Variants in ZMYM1 observed in about 807,000 individuals in gnomAD.
ZMYM1 encodes the protein zinc finger MYM-type containing 1, also known as zinc finger MYM-type protein 1.
Under a neutral mutation model 60.0 loss-of-function variants are expected in ZMYM1, and 39 were observed. The observed-to-expected ratio is 0.65, with a 90% CI of 0.50 to 0.85. ZMYM1 has a LOEUF of 0.85. Ranked by LOEUF, ZMYM1 falls within the 40% of genes least tolerant of loss-of-function variation. The pLI is 0.00. For missense variants in ZMYM1, 1,171 were observed against 1,309.5 expected (o/e 0.89, Z 1.63); for synonymous variants, 413 against 454.0 (o/e 0.91, Z 1.15).
At position 35,115,053 on chromosome 1, in the gene ZMYM1, T is replaced by C; in HGVS notation, c.3223T>C (p.Ser1075Pro). Residue 1075 changes from serine (S) to proline (P), a missense_variant, in exon 10 of 10, where the codon TCT becomes CCT. Transcript: ENST00000359858. ...CLSKLLYIAL[S>P]WPITSASTEN... ...CTCAAAGCTATTATATATTGCTTTG[T>C]CTTGGCCAATTACTTCAGCAAGTAC... is the stretch of plus-strand genomic sequence containing the variant. The C allele has an allele frequency of 6.2e-7, 1 of 1,614,094 alleles. No individual in the cohort carries two copies. Among genetic ancestry groups the C allele is most frequent in the Non-Finnish European group, 8.5e-7 (1 of 1,179,960 alleles).
chr1:35,094,442 C>A (rs1305456170), intron 2 of ZMYM1, among the ~76,000 whole-genome samples: 1 of 151,872 alleles, frequency 6.6e-6, no homozygotes, highest in Non-Finnish European at 1.5e-5. Context: ...ATTTTTTAAT[C>A]TAAATTAATT....
At chr1:35,116,717 C>A (rs1644252082), downstream of ZMYM1, among the ~76,000 whole-genome samples, 1 of 151,800 alleles carries the variant, frequency 6.6e-6, no homozygotes. Context: ...CTGGGCCTCC[C>A]AAAGTGCTGG....
intron 6 of ZMYM1, among the ~76,000 whole-genome samples, chr1:35,108,699 ATTTTTTTTTT>A (rs771920421): frequency 9.4e-6 from 1 of 106,770 alleles, no homozygotes. Context: ...TCCATCGGTG[ATTTTTTTTTT>A]TTTTTTTTTT....
chr1:35,097,860 G>A (rs796244962), intron 4 of ZMYM1, among the ~76,000 whole-genome samples: 4 of 152,232 alleles, frequency 2.6e-5, no homozygotes, highest in African/African-American at 4.8e-5. Flanking sequence ...TGTTGGCCAC[G>A]CTGGTCTTGA....
intron 1 of ZMYM1, among the ~76,000 whole-genome samples, chr1:35,061,419 C>G (rs1377159041): frequency 6.6e-6 from 1 of 152,068 alleles, no homozygotes; most frequent in Non-Finnish European, 1.5e-5. Context: ...TTCTAGCAGC[C>G]AAAACATTAT....
At chr1:35,104,270 T>C in intron 4 of ZMYM1, 25 bp from the exon 5 acceptor site, 2 of 1,533,284 alleles carry the variant, frequency 1.3e-6, no homozygotes, top group Non-Finnish European at 1.8e-6. Flanking sequence ...AACTGTTTAA[T>C]GATGTCCTTG....
upstream of ZMYM1, chr1:35,078,947 G>A (rs1217005353): frequency 6.6e-6 from 1 of 151,374 alleles, no homozygotes; most frequent in Non-Finnish European, 1.5e-5. Flanking sequence ...CTCTGCAACT[G>A]GCACTTTGCT....
chr1:35,096,872 A>G (rs547314681), intron 3 of ZMYM1, among the ~76,000 whole-genome samples: 1 of 152,130 alleles, frequency 6.6e-6, no homozygotes, highest in African/African-American at 2.4e-5. Flanking sequence ...GCTAATTTTT[A>G]TAGTAGAGAC....
Position 35,111,880 on chromosome 1 carries a change from C to T in ZMYM1, c.1070C>T (p.Ala357Val), listed in dbSNP as rs1170018867. 6.3e-7 allele frequency: 1 copy of T among 1,599,356 alleles called. No individual in the cohort carries two copies. Among genetic ancestry groups the T allele is most frequent in the Non-Finnish European group, 8.5e-7 (1 of 1,171,344 alleles). Residue 357 changes from alanine (A) to valine (V), a missense_variant, in exon 8 of 10, where the codon GCC becomes GTC. Coordinates refer to ENST00000359858, the MANE Select transcript of ZMYM1 (RefSeq NM_024772.5). ...GTGTCATTGGCAGACACCGATGTTG[C>T]CTTGCCCATCATGAACACTGATGTC... Reference protein sequence around the residue: ...NIVSLADTDVALPIMNTDVLQ... With the variant: ...NIVSLADTDVVLPIMNTDVLQ...
rs12131653 is a variant in ZMYM1 at position 35,112,379 on chromosome 1, T to G, written c.1146+249T>G. Reference sequence around the variant, plus strand: ...TTTTAGTAGAGAAGGGGTTTCACCATGTTGGCCAACCTGGTCTCGAACTGC... The same window carrying G: ...TTTTAGTAGAGAAGGGGTTTCACCAGGTTGGCCAACCTGGTCTCGAACTGC... On this transcript the variant is annotated intron_variant, in intron 9 of 9. Coordinates refer to ENST00000359858, the MANE Select transcript of ZMYM1 (RefSeq NM_024772.5). Among the ~76,000 whole-genome samples, 104,441 of 150,392 alleles carry G rather than the reference T, an allele frequency of 0.69. 40,751 individuals carry two copies. The highest frequency in any genetic ancestry group is 0.9 in the Non-Finnish European group (60,653 of 67,696).
At chr1:35,106,409 G>A (rs1557696718) in intron 6 of ZMYM1, among the ~76,000 whole-genome samples, 1 of 152,068 alleles carries the variant, frequency 6.6e-6, no homozygotes, top group East Asian at 1.9e-4. Context: ...AGGAGTTGGA[G>A]ACCAGCCTGG....
At chr1:35,060,692 G>A (rs1002148486) in intron 1 of ZMYM1, among the ~76,000 whole-genome samples, 41 of 152,266 alleles carry the variant, frequency 2.7e-4, no homozygotes, top group African/African-American at 8.4e-4. Context: ...ATCTACAAAG[G>A]AGGGCAGGGG....
At chr1:35,087,112 C>T (rs550169483) in intron 1 of ZMYM1, among the ~76,000 whole-genome samples, 2 of 150,714 alleles carry the variant, frequency 1.3e-5, no homozygotes, top group African/African-American at 4.9e-5. Context: ...CTGTCTCAGC[C>T]TCCCAAGAGC....
chr1:35,096,196 C>T (rs1643306666), intron 3 of ZMYM1, among the ~76,000 whole-genome samples: 1 of 152,016 alleles, frequency 6.6e-6, no homozygotes. Flanking sequence ...CCTGTAATCC[C>T]AGCTACTCAG....
At chr1:35,069,103 G>A (rs1642026170) in intron 1 of ZMYM1, among the ~76,000 whole-genome samples, 1 of 152,084 alleles carries the variant, frequency 6.6e-6, no homozygotes, top group African/African-American at 2.4e-5. Flanking sequence ...CAAAGTGCTG[G>A]GATTACAGGC....
chr1:35,081,433 C>T (rs912541198), intron 1 of ZMYM1, among the ~76,000 whole-genome samples: 12 of 151,774 alleles, frequency 7.9e-5, no homozygotes, highest in African/African-American at 2.9e-4. Context: ...ATTGTATATA[C>T]ATTAGAATTA....
intron 7 of ZMYM1, 27 bp from the exon 8 acceptor site, chr1:35,111,745 T>C (rs1644093179): frequency 1.3e-6 from 2 of 1,541,486 alleles, no homozygotes; most frequent in Non-Finnish European, 1.8e-6. Context: ...TTGCCTTGTT[T>C]ATAAGAAATC....
intron 1 of ZMYM1, among the ~76,000 whole-genome samples, chr1:35,091,957 G>A (rs913505810): frequency 5.3e-5 from 8 of 150,414 alleles, no homozygotes; most frequent in Admixed American, 1.3e-4. Flanking sequence ...ATGGAGTCTC[G>A]CTCTGTCTCC....
chr1:35,110,966 T>A (rs905827766), intron 7 of ZMYM1, among the ~76,000 whole-genome samples: 2 of 151,986 alleles, frequency 1.3e-5, no homozygotes, highest in African/African-American at 4.8e-5. Flanking sequence ...AAAAGATACA[T>A]GTCTTTTTTT....
Sources: gnomAD v4.1 joint callset for allele counts (sites outside exome capture counted in the v4.1 genomes callset) on GRCh38, gnomAD v4.1.1 for gene constraint, MANE v1.5 for transcripts, NCBI Gene and HGNC (gene_info 2026-07-23, HGNC 2026-07-21) for gene names.